JAG1: variants seen among roughly 807,000 people sequenced by gnomAD.
JAG1 encodes the protein jagged canonical Notch ligand 1, also known as protein jagged-1.
JAG1 carries 23 observed loss-of-function variants against 148.7 expected under a neutral mutation model. The observed-to-expected ratio is 0.15, with a 90% CI of 0.11 to 0.22. The LOEUF (loss-of-function observed/expected upper bound fraction) is 0.22. Ranked by LOEUF, JAG1 falls within the 10% of genes least tolerant of loss-of-function variation. JAG1 has a pLI of 1.00. For missense variants in JAG1, 1,054 were observed against 1,611.2 expected, an observed-to-expected ratio of 0.65 and a Z score of 5.92; for synonymous variants, 572 against 598.3, an observed-to-expected ratio of 0.96 and a Z score of 0.64.
At position 10,642,631 on chromosome 20, in the gene JAG1, C is replaced by CT. The variant is rs2067280956; in HGVS notation, c.2459-31dup. ...GAGAAATGGAGTTCAAGTTTAGGGA[C>CT]TGATGGTGTGTGGCAATGTTTTGAG... On this transcript the variant is annotated intron_variant, in intron 20 of 25. Coordinates refer to ENST00000254958, the MANE Select transcript of JAG1 (RefSeq NM_000214.3). The CT allele has an allele frequency of 7.8e-6, 10 of 1,274,070 alleles. No individual in the cohort carries two copies. In the East Asian group the frequency reaches 2.3e-4, roughly 29 times the overall value. 78.9% of individuals were successfully genotyped at this position (1,274,070 alleles called of 1,614,324 possible).
chr20:10,639,349 T>C lies in JAG1; in HGVS notation c.*149A>G, dbSNP rs1568790435. On this transcript the variant is annotated 3_prime_UTR_variant, in exon 26 of 26. Coordinates refer to ENST00000254958, the MANE Select transcript of JAG1 (RefSeq NM_000214.3). ...CGATTTCCCAGCCAACCACAGAAAC[T>C]ACCATTGCCAGTGTAAGCCAGCTTG... The C allele has an allele frequency of 1.3e-6, 1 of 793,352 alleles. No individual in the cohort carries two copies. Among genetic ancestry groups the C allele is most frequent in the African/African-American group, 1.7e-5 (1 of 59,240 alleles). The allele number at this position is 793,352 out of a possible 1,614,324, so 49.1% of individuals were successfully genotyped here.
chr20:10,672,561 C>A, intron 2 of JAG1, 140 bp downstream of exon 2: 2 of 872,646 alleles, frequency 2.3e-6, no homozygotes, highest in Admixed American at 2.0e-5. Context: ...GGCTCCCTCA[C>A]CCGCCACCCC....
intron 4 of JAG1, among the ~76,000 whole-genome samples, chr20:10,657,741 G>A (rs1291286053): frequency 6.6e-6 from 1 of 152,226 alleles, no homozygotes; most frequent in Non-Finnish European, 1.5e-5. Context: ...ACAGTAGACA[G>A]CACAGAGACT....
intron 10 of JAG1, 96 bp from the exon 11 acceptor site, chr20:10,649,203 A>G (rs1240346877): frequency 4.6e-6 from 4 of 864,568 alleles, no homozygotes; most frequent in South Asian, 1.4e-5. Context: ...ATAAGTTTCA[A>G]ATCAGATTTC....
At chr20:10,646,854 A>G (rs2067312633) in intron 14 of JAG1, 85 bp downstream of exon 14, 2 of 1,376,112 alleles carry the variant, frequency 1.5e-6, no homozygotes, top group Admixed American at 1.7e-5. Context: ...TTCAACACCA[A>G]TGATCCCAGG....
intron 3 of JAG1, 92 bp downstream of exon 3, chr20:10,663,871 A>C: frequency 2.1e-6 from 2 of 966,760 alleles, no homozygotes; most frequent in Non-Finnish European, 3.4e-6. Context: ...AGAAATGCTA[A>C]GTACTAAGGA....
chr20:10,664,634 G>A (rs2067441048), intron 2 of JAG1, among the ~76,000 whole-genome samples: 1 of 152,174 alleles, frequency 6.6e-6, no homozygotes, highest in South Asian at 2.1e-4. Flanking sequence ...GCAAGACAAA[G>A]AAGTCAACCT....
Position 10,651,658 on chromosome 20 carries a change from C to T in JAG1, c.1043G>A (p.Arg348Lys), listed in dbSNP as rs200227737. Residue 348 changes from arginine (R) to lysine (K), a missense_variant, in exon 8 of 26, where the codon AGA becomes AAA. Physicochemically the swap from Arg to Lys is conservative, Grantham distance 26 (BLOSUM62 2). Coordinates refer to ENST00000254958, the MANE Select transcript of JAG1 (RefSeq NM_000214.3). ...HACLSDPCHN[R>K]GSCKETSLGF... ...CAGGGAGGTCTCCTTACAGCTGCCT[C>T]TGTTGTGACAGGGATCAGAGAGGCA... 243 of 1,613,984 alleles carry T rather than the reference C, an allele frequency of 1.5e-4. No homozygotes were observed. The highest frequency in any genetic ancestry group is 1.6e-4 in the Middle Eastern group (1 of 6,084).
intron 2 of JAG1, among the ~76,000 whole-genome samples, chr20:10,668,512 A>C (rs991569700): frequency 1.3e-5 from 2 of 152,036 alleles, no homozygotes; most frequent in Non-Finnish European, 2.9e-5. Context: ...GAGATCATGC[A>C]TTCTTACATT....
Position 10,673,075 on chromosome 20 carries a change from C to T in JAG1, c.82-69G>A. 7.2e-7 allele frequency: 1 copy of T among 1,395,350 alleles called. No homozygotes were observed. The highest frequency in any genetic ancestry group is 1.0e-6 in the Non-Finnish European group (1 of 1,002,666). 86.4% of individuals were successfully genotyped at this position (1,395,350 alleles called of 1,614,324 possible). A position where few individuals can be genotyped will look rare whatever the true frequency, so the allele number is the denominator to read the frequency against. On this transcript the variant is annotated intron_variant, in intron 1 of 25. Transcript: ENST00000254958. The surrounding 1 kb of genome is among the most constrained non-coding windows in gnomAD (Gnocchi z 4.7). ...TTTTCTTCGAGTATAGAGGTGGCGA[C>T]TCCCTCCCACTCCCCGCCCCGACGA...
intron 25 of JAG1, 128 bp from the exon 26 acceptor site, chr20:10,640,083 G>T: frequency 1.3e-6 from 1 of 765,396 alleles, no homozygotes; most frequent in Non-Finnish European, 2.3e-6. Context: ...ACAGGGACAA[G>T]TCCCTTTTCA....
At position 10,659,559 on chromosome 20, in the gene JAG1, C is replaced by CTTTTTTTTTTTTTTTTTTTTTTTTT. The variant is rs35826283; in HGVS notation, c.440-862_440-838dup. On this transcript the variant is annotated intron_variant, in intron 3 of 25. Transcript: ENST00000254958. ...GGAAGCCAAGGAGACGATTAAGTTA[C>CTTTTTTTTTTTTTTTTTTTTTTTTT]TTTTTTTTTTTTTTTTTTTTTTTTT... Among the ~76,000 whole-genome samples, 18 of 105,138 alleles carry CTTTTTTTTTTTTTTTTTTTTTTTTT rather than the reference C, an allele frequency of 1.7e-4. 9 individuals are homozygous for CTTTTTTTTTTTTTTTTTTTTTTTTT. Among genetic ancestry groups the CTTTTTTTTTTTTTTTTTTTTTTTTT allele is most frequent in the African/African-American group, 2.9e-4 (8 of 27,194 alleles). 69.0% of individuals were successfully genotyped at this position (105,138 alleles called of 152,430 possible).
At chr20:10,655,804 G>GCCT in intron 5 of JAG1, among the ~76,000 whole-genome samples, 1 of 152,240 alleles carries the variant, frequency 6.6e-6, no homozygotes, top group Non-Finnish European at 1.5e-5. Flanking sequence ...GTCAGGGCAG[G>GCCT]CCTCCCTTTG....
intron 2 of JAG1, among the ~76,000 whole-genome samples, chr20:10,667,589 C>T (rs1305668544): frequency 6.6e-6 from 1 of 152,184 alleles, no homozygotes; most frequent in South Asian, 2.1e-4. Context: ...TAAGAAAGGA[C>T]AACTATCCTA....
chr20:10,647,380 C>T, intron 13 of JAG1: 1 of 519,020 alleles, frequency 1.9e-6, no homozygotes, highest in Non-Finnish European at 3.5e-6. Context: ...TTGACATCTA[C>T]CCAATTTGGT....
At chr20:10,640,063 G>A (rs542715383) in intron 25 of JAG1, 108 bp from the exon 26 acceptor site, 19 of 866,902 alleles carry the variant, frequency 2.2e-5, no homozygotes, top group Non-Finnish European at 3.4e-5. Flanking sequence ...TTATCCCTAA[G>A]AGGGGGGCCA....
At chr20:10,640,644 G>A in intron 25 of JAG1, 139 bp downstream of exon 25, 3 of 850,368 alleles carry the variant, frequency 3.5e-6, no homozygotes, top group South Asian at 2.9e-5. Flanking sequence ...AAAGTAGGCT[G>A]CCCTCAGTTC....
intron 2 of JAG1, among the ~76,000 whole-genome samples, chr20:10,671,168 C>T (rs1322072896): frequency 6.6e-6 from 1 of 152,202 alleles, no homozygotes; most frequent in Admixed American, 6.5e-5. Flanking sequence ...TCCAAACACA[C>T]GTTCAAGGGC....
rs562298225 is a variant in JAG1 at position 10,647,787 on chromosome 20, C to T, written c.1720+173G>A. On this transcript the variant is annotated intron_variant, in intron 13 of 25. Coordinates refer to ENST00000254958, the MANE Select transcript of JAG1 (RefSeq NM_000214.3). Reference sequence around the variant, plus strand: ...TAGACACGGCTCTCCCACTGGCAGGCCGGAATAGATTGTTTCCACGTGTTG... The same window carrying T: ...TAGACACGGCTCTCCCACTGGCAGGTCGGAATAGATTGTTTCCACGTGTTG... Among the ~76,000 whole-genome samples the T allele has an allele frequency of 7.9e-5, 12 of 152,246 alleles. No individual in the cohort carries two copies. In the East Asian group the frequency reaches 1.9e-3, roughly 24 times the overall value.
Sources: allele counts gnomAD v4.1 joint callset (sites outside exome capture counted in the v4.1 genomes callset), GRCh38; gene constraint gnomAD v4.1.1; non-coding constraint Gnocchi (gnomAD v3.1); transcripts MANE v1.5; gene names NCBI Gene and HGNC (gene_info 2026-07-23, HGNC 2026-07-21).